The following RALGPS1 variants were observed in gnomAD, a reference collection of about 807,000 sequenced individuals.
RALGPS1 encodes the protein Ral GEF with PH domain and SH3 binding motif 1, also known as ras-specific guanine nucleotide-releasing factor RalGPS1.
Under a neutral mutation model 78.8 loss-of-function variants are expected in RALGPS1, and 19 were observed. The observed-to-expected ratio is 0.24, with a 90% confidence interval of 0.17 to 0.35. The LOEUF (loss-of-function observed/expected upper bound fraction) is 0.35. Among genes scored for constraint, RALGPS1 ranks in the 10% least tolerant of loss-of-function variants. The pLI is 1.00. For synonymous variants in RALGPS1, 228 were observed against 256.3 expected (o/e 0.89, Z 1.06); for missense variants, 454 against 688.3 (o/e 0.66, Z 3.81).
rs2062756419 is a variant in RALGPS1, at chr9:127,220,955, A to G, written c.*2186A>G. 6.6e-6 allele frequency: 1 copy of G among 152,602 alleles called. No homozygotes were observed. Among genetic ancestry groups the G allele is most frequent in the Non-Finnish European group, 1.5e-5 (1 of 68,042 alleles). The allele number at this position is 152,602 out of a possible 1,614,324, so 9.5% of individuals were successfully genotyped here. A position where few individuals can be genotyped will look rare whatever the true frequency, so the allele number is the denominator to read the frequency against. On this transcript the variant is annotated 3_prime_UTR_variant, in exon 19 of 19. Coordinates refer to ENST00000259351, the MANE Select transcript of RALGPS1 (RefSeq NM_014636.3). Reference sequence around the variant, plus strand: ...TTTGAAATAGCACAATCACAATTCAAAATGTTTAGTCTTCTCACTAATTGA... The same window carrying G: ...TTTGAAATAGCACAATCACAATTCAGAATGTTTAGTCTTCTCACTAATTGA...
chr9:127,027,558 G>A (rs1354649594), intron 4 of RALGPS1, among the ~76,000 whole-genome samples: 1 of 152,196 alleles, frequency 6.6e-6, no homozygotes, highest in African/African-American at 2.4e-5. Flanking sequence ...ATTAGGATCT[G>A]CTGGAACTGC....
In RALGPS1 at chr9:127,108,492, C is replaced by T. The variant is rs775144653; in HGVS notation, c.610+39136C>T. The T allele has an allele frequency of 5.0e-6, 8 of 1,612,878 alleles. No individual in the cohort carries two copies. In the Admixed American group the frequency reaches 1.3e-4, roughly 27 times the overall value. ...GCTCCTGCTTATGCACTCGGTTCTC[C>T]AGAAGCACCTCAGGCTCCTTGGAGT... On this transcript the variant is annotated intron_variant, in intron 8 of 18. Coordinates refer to ENST00000259351, the MANE Select transcript of RALGPS1 (RefSeq NM_014636.3).
At chr9:127,141,093 T>G (rs891811468) in intron 8 of RALGPS1, among the ~76,000 whole-genome samples, 1 of 152,134 alleles carries the variant, frequency 6.6e-6, no homozygotes, top group African/African-American at 2.4e-5. Context: ...AGGGATGGCC[T>G]TTCTGCAGCG....
chr9:127,197,606 C>T (rs1023072355), intron 13 of RALGPS1, among the ~76,000 whole-genome samples: 7 of 152,142 alleles, frequency 4.6e-5, no homozygotes, highest in Non-Finnish European at 1.0e-4. Flanking sequence ...GTCCAGGGGT[C>T]GCTGTCTCCC....
At chr9:127,142,149 G>T (rs576752434) in intron 8 of RALGPS1, among the ~76,000 whole-genome samples, 12 of 152,332 alleles carry the variant, frequency 7.9e-5, no homozygotes, top group Middle Eastern at 3.4e-3. Context: ...CCTGCGGTCT[G>T]AGCCCTAGAT....
At chr9:127,178,600 A>G (rs185794040) in intron 11 of RALGPS1, 2 of 580,128 alleles carry the variant, frequency 3.4e-6, no homozygotes, top group African/African-American at 4.1e-5. Context: ...TCTCCCCACT[A>G]TCACCCCCAC....
At chr9:127,117,852 G>A (rs562280237) in intron 8 of RALGPS1, among the ~76,000 whole-genome samples, 1 of 152,346 alleles carries the variant, frequency 6.6e-6, no homozygotes, top group Admixed American at 6.5e-5. Context: ...TTGGAGCTGG[G>A]CAGGTCCTCA....
chr9:127,132,952 G>A (rs151079328), intron 8 of RALGPS1, among the ~76,000 whole-genome samples: 53 of 152,306 alleles, frequency 3.5e-4, no homozygotes, highest in Non-Finnish European at 6.2e-4. Context: ...CCAAATCCCA[G>A]CCCCACTGCA....
At chr9:127,161,634 G>A (rs1272262147) in intron 8 of RALGPS1, among the ~76,000 whole-genome samples, 1 of 152,194 alleles carries the variant, frequency 6.6e-6, no homozygotes, top group African/African-American at 2.4e-5. Flanking sequence ...ATGGCACAGG[G>A]GAGGCAGCCA....
rs1027040635 is a variant in RALGPS1 at position 127,126,266 on chromosome 9, A to G, written c.611-39803A>G. 2.0e-5 allele frequency among the ~76,000 whole-genome samples: 3 copies of G among 151,856 alleles called. No homozygotes were observed. The South Asian group carries it at 6.2e-4, about 32-fold the overall frequency. ...TCCTTATTGTTGTTCCTGTATACAT[A>G]ATGGATCTTCTGTTTTCTGGCTTCT... On this transcript the variant is annotated intron_variant, in intron 8 of 18. Transcript: ENST00000259351.
chr9:127,103,345 T>C (rs1414499588), intron 8 of RALGPS1, among the ~76,000 whole-genome samples: 1 of 152,222 alleles, frequency 6.6e-6, no homozygotes, highest in Non-Finnish European at 1.5e-5. Context: ...GGCTTCCTGC[T>C]AGCACTCTTG....
At chr9:127,199,434 G>C (rs1461667179) in intron 14 of RALGPS1, among the ~76,000 whole-genome samples, 1 of 152,212 alleles carries the variant, frequency 6.6e-6, no homozygotes, top group Non-Finnish European at 1.5e-5. Flanking sequence ...GGTGGGGTCT[G>C]AGAATATTGC....
chr9:126,962,746 T>G (rs1442385770), intron 2 of RALGPS1, among the ~76,000 whole-genome samples: 2 of 152,186 alleles, frequency 1.3e-5, no homozygotes, highest in African/African-American at 2.4e-5. Context: ...CAGTGGGAAA[T>G]GGTTATAAGG....
chr9:127,071,496 A>G (rs2135912885), intron 8 of RALGPS1, among the ~76,000 whole-genome samples: 1 of 152,282 alleles, frequency 6.6e-6, no homozygotes, highest in East Asian at 1.9e-4. Context: ...TGGACTTTCC[A>G]TGTTTGTCTC....
At chr9:127,032,422 G>A (rs1192944043) in intron 4 of RALGPS1, among the ~76,000 whole-genome samples, 1 of 152,102 alleles carries the variant, frequency 6.6e-6, no homozygotes, top group Non-Finnish European at 1.5e-5. Context: ...CGAAAATTCA[G>A]GAAAAATACA....
At chr9:127,030,070 AT>A (rs2046300549) in intron 4 of RALGPS1, among the ~76,000 whole-genome samples, 1 of 152,124 alleles carries the variant, frequency 6.6e-6, no homozygotes, top group Non-Finnish European at 1.5e-5. Flanking sequence ...GTCTAAATGA[AT>A]TTTTTGTTGT....
chr9:127,068,306 T>C (rs1239077140), intron 7 of RALGPS1, among the ~76,000 whole-genome samples: 2 of 152,164 alleles, frequency 1.3e-5, no homozygotes, highest in Non-Finnish European at 2.9e-5. Context: ...GGCATGTGAA[T>C]TGTGTGGAAC....
At position 127,222,415 on chromosome 9, in the gene RALGPS1, G is replaced by A. The variant is rs2062795909; in HGVS notation, c.*3646G>A. The A allele has an allele frequency of 6.6e-6, 1 of 152,272 alleles. No individual in the cohort carries two copies. The highest frequency in any genetic ancestry group is 6.5e-5 in the Admixed American group (1 of 15,290). 9.4% of individuals were successfully genotyped at this position (152,272 alleles called of 1,614,324 possible). A position where few individuals can be genotyped will look rare whatever the true frequency, so the allele number is the denominator to read the frequency against. ...GTTGGGCACGCCAAGGATTCCAAAG[G>A]TGGAATGAGAGAGTAGGGTCAAACT... On this transcript the variant is annotated 3_prime_UTR_variant, in exon 19 of 19. Transcript: ENST00000259351.
intron 8 of RALGPS1, among the ~76,000 whole-genome samples, chr9:127,104,266 G>A (rs1031582642): frequency 3.3e-5 from 5 of 152,174 alleles, no homozygotes; most frequent in African/African-American, 9.7e-5. Flanking sequence ...TGCTGTTGGC[G>A]CTGTCCTTTC....
Sources: gnomAD v4.1 joint callset for allele counts (sites outside exome capture counted in the v4.1 genomes callset) on GRCh38, gnomAD v4.1.1 for gene constraint, MANE v1.5 for transcripts, NCBI Gene and HGNC (gene_info 2026-07-23, HGNC 2026-07-21) for gene names.